The following RALGDS variants were observed in gnomAD, a reference collection of about 807,000 sequenced individuals.
The protein encoded by RALGDS is ral guanine nucleotide exchange factor.
RALGDS carries 44 observed loss-of-function variants against 99.8 expected under a neutral mutation model. The observed-to-expected ratio is 0.44, with a 90% CI of 0.35 to 0.57. RALGDS has a LOEUF of 0.57. Ranked by LOEUF, RALGDS falls within the 20% of genes least tolerant of loss-of-function variation. The probability of loss-of-function intolerance (pLI) is 0.01; values close to 1 mark genes in which losing one functional copy is unlikely to be tolerated. For synonymous variants in RALGDS, 529 were observed against 505.0 expected, an observed-to-expected ratio of 1.05 and a Z score of -0.64; for missense variants, 1,022 against 1,203.1, an observed-to-expected ratio of 0.85 and a Z score of 2.23.
chr9:133,110,875 A>C (rs559055655), intron 2 of RALGDS, among the ~76,000 whole-genome samples: 1 of 152,200 alleles, frequency 6.6e-6, no homozygotes, highest in African/African-American at 2.4e-5. Flanking sequence ...TGAGCCCAGG[A>C]GTTTGAGACC....
At chr9:133,107,444 G>A (rs1477404351) in intron 6 of RALGDS, 144 bp from the exon 7 acceptor site, 11 of 781,032 alleles carry the variant, frequency 1.4e-5, no homozygotes, top group East Asian at 2.7e-5. Context: ...CAAGTGACCC[G>A]GGACAGAACG....
chr9:133,141,837 C>A (rs1238777530), intron 1 of RALGDS, among the ~76,000 whole-genome samples: 2 of 152,256 alleles, frequency 1.3e-5, no homozygotes, highest in Admixed American at 1.3e-4. Context: ...ACTAAGGTCA[C>A]ATAGTCAGTC....
At chr9:133,143,948 A>G (rs967641918) in intron 1 of RALGDS, among the ~76,000 whole-genome samples, 2 of 151,688 alleles carry the variant, frequency 1.3e-5, no homozygotes, top group East Asian at 1.9e-4. Flanking sequence ...TCAGCCCCAC[A>G]CTGCCTCGCC....
chr9:133,100,805 C>T, intron 16 of RALGDS: 1 of 1,090,062 alleles, frequency 9.2e-7, no homozygotes, highest in Non-Finnish European at 1.1e-6. Context: ...GGCCAGGCCC[C>T]TGCTACCTTG....
At position 133,121,106 on chromosome 9, in the gene RALGDS, C is replaced by G. The variant is rs1176906450; in HGVS notation, c.49G>C (p.Glu17Gln). ...CGCCGGGAGCCCGGAAACAGCGGCT[C>G]GGCGCCGCCAGCAGGCCCGGCCGCC... ...AEAAGPAGGA[E>Q]PLFPGSRRSR... Residue 17 changes from glutamate (E) to glutamine (Q), a missense_variant, in exon 1 of 18, where the codon GAG becomes CAG. By Grantham distance (29) the Glu-to-Gln change is conservative (BLOSUM62 2). Coordinates refer to ENST00000372050, the MANE Select transcript of RALGDS (RefSeq NM_006266.4). 2 of 1,471,314 alleles carry G rather than the reference C, an allele frequency of 1.4e-6. No individual in the cohort carries two copies. The highest frequency in any genetic ancestry group is 1.8e-6 in the Non-Finnish European group (2 of 1,116,896). The allele number at this position is 1,471,314 out of a possible 1,614,324, so 91.1% of individuals were successfully genotyped here. A position where few individuals can be genotyped will look rare whatever the true frequency, so the allele number is the denominator to read the frequency against.
intron 4 of RALGDS, 34 bp downstream of exon 4, chr9:133,109,592 A>AG: frequency 1.9e-6 from 3 of 1,563,086 alleles, no homozygotes; most frequent in Non-Finnish European, 2.6e-6. Context: ...CGGTGGGGAC[A>AG]GGGTCCCTTC....
chr9:133,109,908 T>C (rs1831257116), intron 3 of RALGDS, among the ~76,000 whole-genome samples, 187 bp from the exon 4 acceptor site: 1 of 152,182 alleles, frequency 6.6e-6, no homozygotes, highest in Non-Finnish European at 1.5e-5. Context: ...TTCCCAGCTA[T>C]CTGAGCGCCC....
chr9:133,101,309 G>C (rs1830744660), intron 16 of RALGDS: 2 of 1,414,798 alleles, frequency 1.4e-6, no homozygotes, highest in East Asian at 2.5e-5. Flanking sequence ...TCAGCTCCTG[G>C]GGGCTTTGCA....
chr9:133,128,674 G>A (rs377558724), intron 1 of RALGDS, among the ~76,000 whole-genome samples: 6 of 152,164 alleles, frequency 3.9e-5, no homozygotes, highest in African/African-American at 7.2e-5. Context: ...GTGCAGATTC[G>A]GGTTCCAGTG....
intron 1 of RALGDS, among the ~76,000 whole-genome samples, chr9:133,147,394 G>A (rs945591706): frequency 1.3e-5 from 2 of 152,014 alleles, no homozygotes; most frequent in Admixed American, 6.6e-5. Flanking sequence ...CCTGTCCATC[G>A]CCCCCTCCAG....
At chr9:133,118,242 T>C (rs541525509) in intron 1 of RALGDS, among the ~76,000 whole-genome samples, 1 of 152,296 alleles carries the variant, frequency 6.6e-6, no homozygotes, top group East Asian at 1.9e-4. Context: ...GACAGGCCCT[T>C]TGCCTTGGGG....
chr9:133,105,338 C>T (rs528590815), intron 9 of RALGDS, among the ~76,000 whole-genome samples: 50 of 152,252 alleles, frequency 3.3e-4, no homozygotes, highest in African/African-American at 1.1e-3. Context: ...CTGGGGTATC[C>T]GCCACAGCTA....
At chr9:133,125,264 C>T (rs2119232760), upstream of RALGDS, among the ~76,000 whole-genome samples, 1 of 152,310 alleles carries the variant, frequency 6.6e-6, no homozygotes, top group South Asian at 2.1e-4. Flanking sequence ...CTTGGGCTAT[C>T]TGTGGATGGC....
intron 1 of RALGDS, chr9:133,148,855 C>T: frequency 7.2e-7 from 1 of 1,395,536 alleles, no homozygotes; most frequent in Non-Finnish European, 9.8e-7. Flanking sequence ...CGTAAGCGCA[C>T]GCTCAGCGTG....
chr9:133,122,197 C>T (rs1376914480), upstream of RALGDS, among the ~76,000 whole-genome samples: 1 of 152,224 alleles, frequency 6.6e-6, no homozygotes, highest in African/African-American at 2.4e-5. Context: ...CAGGGACATC[C>T]TCAACTACTC....
intron 5 of RALGDS, 71 bp downstream of exon 5, chr9:133,108,602 C>T: frequency 6.4e-7 from 1 of 1,573,978 alleles, no homozygotes; most frequent in Non-Finnish European, 8.7e-7. Context: ...GACCCTGGAG[C>T]CTCCTCTTCG....
intron 9 of RALGDS, 123 bp downstream of exon 9, chr9:133,105,806 GCCA>G (rs1830990467): frequency 1.5e-6 from 1 of 679,476 alleles, no homozygotes; most frequent in African/African-American, 2.2e-5. Flanking sequence ...AGAAGCGAAT[GCCA>G]CCGCCCGCCG....
chr9:133,106,446 C>G (rs544717582), intron 8 of RALGDS, among the ~76,000 whole-genome samples, 199 bp downstream of exon 8: 4 of 152,214 alleles, frequency 2.6e-5, no homozygotes, highest in African/African-American at 9.6e-5. Flanking sequence ...ACACGAATAC[C>G]TGAAAATCTC....
At chr9:133,098,922 G>T in intron 17 of RALGDS, 160 bp from the exon 18 acceptor site, 1 of 677,660 alleles carries the variant, frequency 1.5e-6, no homozygotes, top group Non-Finnish European at 2.5e-6. Context: ...AATGACTCCT[G>T]CCTGAGGACA....
Sources: allele counts gnomAD v4.1 joint callset (sites outside exome capture counted in the v4.1 genomes callset), GRCh38; gene constraint gnomAD v4.1.1; transcripts MANE v1.5; gene names NCBI Gene and HGNC (gene_info 2026-07-23, HGNC 2026-07-21).